Variants in NTM observed in about 807,000 individuals in gnomAD.
The protein encoded by NTM is IgLON family member 2.
A neutral mutation model predicts 42.1 loss-of-function variants in NTM; 13 were observed. That is an observed-to-expected ratio of 0.31 (90% CI 0.20 to 0.49). The LOEUF (loss-of-function observed/expected upper bound fraction) is 0.49. NTM is among the 20% of genes least tolerant of loss of function. The pLI is 0.99. For synonymous variants in NTM, 187 were observed against 179.2 expected, an observed-to-expected ratio of 1.04 and a Z score of -0.35; for missense variants, 373 against 452.8, an observed-to-expected ratio of 0.82 and a Z score of 1.60.
In NTM at chr11:131,664,609, C is replaced by A. The variant is rs113105230; in HGVS notation, c.83-246955C>A. 1.2e-3 allele frequency among the ~76,000 whole-genome samples: 189 copies of A among 152,158 alleles called. 1 individual carries two copies. The highest frequency in any genetic ancestry group is 4.3e-3 in the African/African-American group (177 of 41,494). The stretch of plus-strand genomic sequence containing the variant: ...CCAAATGAACACGCGCCATACGTTG[C>A]GGTTCCCGTGTCTTCTTCCTATATG... On this transcript the variant is annotated intron_variant, in intron 1 of 8. Coordinates refer to ENST00000683400, the MANE Select transcript of NTM (RefSeq NM_001352005.2).
intron 1 of NTM, among the ~76,000 whole-genome samples, chr11:131,514,432 A>G (rs899386050): frequency 6.6e-6 from 1 of 152,202 alleles, no homozygotes; most frequent in Non-Finnish European, 1.5e-5. Flanking sequence ...TCACCTCTCA[A>G]TAATTTTAAA....
chr11:131,832,189 GAA>G (rs11367226), intron 1 of NTM, among the ~76,000 whole-genome samples: 42 of 138,724 alleles, frequency 3.0e-4, no homozygotes, highest in African/African-American at 4.5e-4. Flanking sequence ...TGTTAGAAGA[GAA>G]AAAAAAAAAA....
intron 4 of NTM, among the ~76,000 whole-genome samples, chr11:132,250,538 T>C (rs896615379): frequency 2.0e-5 from 3 of 152,094 alleles, no homozygotes; most frequent in African/African-American, 4.8e-5. Context: ...CCTCCCTCTG[T>C]CAATGCCCTT....
chr11:131,564,805 C>A (rs888263713), intron 1 of NTM, among the ~76,000 whole-genome samples: 3 of 152,156 alleles, frequency 2.0e-5, no homozygotes, highest in Non-Finnish European at 2.9e-5. Context: ...TTGCTCCCTG[C>A]AAGAATATTC....
chr11:131,731,033 A>G (rs973893689), intron 1 of NTM, among the ~76,000 whole-genome samples: 2 of 152,168 alleles, frequency 1.3e-5, no homozygotes, highest in African/African-American at 2.4e-5. Flanking sequence ...CTGATGAAAT[A>G]CTTTTAAGTT....
At chr11:131,473,635 A>C (rs575116885) in intron 1 of NTM, among the ~76,000 whole-genome samples, 3 of 152,304 alleles carry the variant, frequency 2.0e-5, no homozygotes, top group Middle Eastern at 3.4e-3. Flanking sequence ...TAACTGAGCT[A>C]GGAGAGGGAA....
At position 131,722,508 on chromosome 11, in the gene NTM, G is replaced by A. The variant is rs561671080; in HGVS notation, c.83-189056G>A. Among the ~76,000 whole-genome samples the A allele has an allele frequency of 2.4e-4, 36 of 152,314 alleles. 1 individual carries two copies. The highest frequency in any genetic ancestry group is 8.2e-4 in the African/African-American group (34 of 41,576). ...TAATTCAGAAACATGCAGAACTCAAGATCTTTGCTAATCTCTACGGAGGGT... is the reference window on the plus strand; with the variant it reads ...TAATTCAGAAACATGCAGAACTCAAAATCTTTGCTAATCTCTACGGAGGGT... On this transcript the variant is annotated intron_variant, in intron 1 of 8. Coordinates refer to ENST00000683400, the MANE Select transcript of NTM (RefSeq NM_001352005.2).
At chr11:132,231,816 G>C (rs1369441165) in intron 4 of NTM, among the ~76,000 whole-genome samples, 1 of 152,202 alleles carries the variant, frequency 6.6e-6, no homozygotes, top group East Asian at 1.9e-4. Flanking sequence ...AGTCAGTGCT[G>C]TCCACAGGCC....
intron 1 of NTM, among the ~76,000 whole-genome samples, chr11:131,865,215 T>C (rs1308954782): frequency 6.6e-6 from 1 of 152,234 alleles, no homozygotes; most frequent in Non-Finnish European, 1.5e-5. Context: ...CCTGATCACA[T>C]GGCTGACAAA....
intron 4 of NTM, among the ~76,000 whole-genome samples, chr11:132,236,813 C>T (rs1198391302): frequency 1.3e-5 from 2 of 152,200 alleles, no homozygotes; most frequent in Non-Finnish European, 2.9e-5. Flanking sequence ...GCCTTACTGA[C>T]TCCCTCCGAA....
Position 132,104,933 on chromosome 11 carries a change from A to ATATGTGTGTGTG in NTM, c.168-41344_168-41343insGTGTGTGTATGT, listed in dbSNP as rs1555263238. ...ATCCTCTCTCTCTCTCCATATATACATATGTATATATATATATATATATAT... is the reference window on the plus strand; with the variant it reads ...ATCCTCTCTCTCTCTCCATATATACATATGTGTGTGTGTATGTATATATATATATATATATAT... On this transcript the variant is annotated intron_variant, in intron 2 of 8. Transcript: ENST00000683400. Among the ~76,000 whole-genome samples, 146 of 14,626 alleles carry ATATGTGTGTGTG rather than the reference A, an allele frequency of 1.0e-2. 6 individuals are homozygous for ATATGTGTGTGTG. The highest frequency in any genetic ancestry group is 0.047 in the African/African-American group (140 of 2,948). 9.6% of individuals were successfully genotyped at this position (14,626 alleles called of 152,430 possible).
chr11:131,626,093 A>G (rs1255039616), intron 1 of NTM, among the ~76,000 whole-genome samples: 1 of 152,102 alleles, frequency 6.6e-6, no homozygotes, highest in Non-Finnish European at 1.5e-5. Context: ...AATTCAATTT[A>G]TTTATTAAAA....
At chr11:131,608,488 T>C (rs982346871) in intron 1 of NTM, among the ~76,000 whole-genome samples, 2 of 152,232 alleles carry the variant, frequency 1.3e-5, no homozygotes, top group Non-Finnish European at 2.9e-5. Flanking sequence ...GTTCTTTTTT[T>C]TGGAGCTTTG....
At chr11:131,611,197 G>T (rs1291536727) in intron 1 of NTM, among the ~76,000 whole-genome samples, 3 of 152,052 alleles carry the variant, frequency 2.0e-5, no homozygotes, top group Admixed American at 6.6e-5. Context: ...GTGGAAATAT[G>T]GTCAAAAAAA....
At chr11:132,251,652 C>G (rs2091946392) in intron 4 of NTM, among the ~76,000 whole-genome samples, 1 of 152,194 alleles carries the variant, frequency 6.6e-6, no homozygotes, top group Non-Finnish European at 1.5e-5. Flanking sequence ...TCTCAATATC[C>G]TTGGATGCGA....
chr11:131,418,132 G>T (rs1418453536), intron 1 of NTM, among the ~76,000 whole-genome samples: 1 of 152,234 alleles, frequency 6.6e-6, no homozygotes, highest in African/African-American at 2.4e-5. Context: ...CAGCTAGGAG[G>T]TAGCGAGGCC....
At chr11:131,857,730 C>G (rs940065526) in intron 1 of NTM, among the ~76,000 whole-genome samples, 2 of 152,144 alleles carry the variant, frequency 1.3e-5, no homozygotes, top group African/African-American at 4.8e-5. Flanking sequence ...ATTGCTAAAG[C>G]CTTAATCCTG....
At chr11:132,049,298 T>A (rs1402501744) in intron 2 of NTM, among the ~76,000 whole-genome samples, 1 of 152,086 alleles carries the variant, frequency 6.6e-6, no homozygotes, top group East Asian at 1.9e-4. Context: ...ATGGAGACTG[T>A]GAGACTCACA....
chr11:131,891,193 G>C lies in NTM; in HGVS notation c.83-20371G>C, dbSNP rs933974989. ...CATATGTTGACACCCAACTATATCA[G>C]AAGGCAGTGTGTTCAATGTGCTATA... On this transcript the variant is annotated intron_variant, in intron 1 of 8. Coordinates refer to ENST00000683400, the MANE Select transcript of NTM (RefSeq NM_001352005.2). Among the ~76,000 whole-genome samples, 3 of 152,190 alleles carry C rather than the reference G, an allele frequency of 2.0e-5. No homozygotes were observed. In the South Asian group the frequency reaches 6.2e-4, roughly 32 times the overall value.
Sources: gnomAD v4.1 joint callset for allele counts (sites outside exome capture counted in the v4.1 genomes callset) on GRCh38, gnomAD v4.1.1 for gene constraint, MANE v1.5 for transcripts, NCBI Gene and HGNC (gene_info 2026-07-23, HGNC 2026-07-21) for gene names.